PDE10A: variants seen among roughly 807,000 people sequenced by gnomAD.
PDE10A encodes the protein phosphodiesterase 10A.
In PDE10A, 39 loss-of-function variants were observed where a neutral mutation model predicts 97.7. That is an observed-to-expected ratio of 0.40 (90% confidence interval 0.31 to 0.52). PDE10A has a LOEUF of 0.52. Ranked by LOEUF, PDE10A falls within the 20% of genes least tolerant of loss-of-function variation. The pLI is 0.56. For synonymous variants in PDE10A, 371 were observed against 376.8 expected, an observed-to-expected ratio of 0.98 and a Z score of 0.18; for missense variants, 731 against 1,047.8, an observed-to-expected ratio of 0.70 and a Z score of 4.17.
At chr6:165,397,457 C>A (rs139313673) in intron 13 of PDE10A, among the ~76,000 whole-genome samples, 45 of 152,188 alleles carry the variant, frequency 3.0e-4, no homozygotes, top group African/African-American at 9.6e-4. Context: ...CCCTTGTAAT[C>A]CCAGCACTTT....
chr6:165,771,537 A>G (rs1472267), intron 1 of PDE10A, among the ~76,000 whole-genome samples: 71,587 of 151,704 alleles, frequency 0.47, 18,322 homozygotes, highest in African/African-American at 0.68. Flanking sequence ...CTTTCCTCAA[A>G]GCGCACATTC....
intron 1 of PDE10A, among the ~76,000 whole-genome samples, chr6:165,613,103 T>C (rs1019072748): frequency 6.6e-6 from 1 of 152,240 alleles, no homozygotes; most frequent in African/African-American, 2.4e-5. Context: ...TACTTTAAAC[T>C]AGAAAACAAA....
intron 13 of PDE10A, among the ~76,000 whole-genome samples, chr6:165,406,228 A>ATATGTGTGTGTGTGTG (rs140845501): frequency 3.7e-4 from 52 of 140,512 alleles, no homozygotes; most frequent in African/African-American, 1.3e-3. Context: ...AGGGAAAAGG[A>ATATGTGTGTGTGTGTG]TGTGTGTGTG....
intron 1 of PDE10A, among the ~76,000 whole-genome samples, chr6:165,828,330 A>G (rs1197740344): frequency 6.6e-6 from 1 of 152,258 alleles, no homozygotes; most frequent in African/African-American, 2.4e-5. Flanking sequence ...AGTCCAGAGG[A>G]TGAAAAGTAT....
chr6:165,822,967 G>C (rs1779616288), intron 1 of PDE10A, among the ~76,000 whole-genome samples: 2 of 151,982 alleles, frequency 1.3e-5, no homozygotes, highest in South Asian at 4.2e-4. Context: ...CTGAGTAGCT[G>C]AGACAACAGG....
intron 18 of PDE10A, among the ~76,000 whole-genome samples, chr6:165,369,194 A>G (rs1050771587): frequency 9.2e-5 from 14 of 152,202 alleles, no homozygotes; most frequent in Non-Finnish European, 1.9e-4. Flanking sequence ...AAAGGAACAC[A>G]GTTCCTCACC....
chr6:165,882,013 T>A (rs1318731147), intron 1 of PDE10A, among the ~76,000 whole-genome samples: 1 of 152,140 alleles, frequency 6.6e-6, no homozygotes, highest in Non-Finnish European at 1.5e-5. Context: ...CTGCCAGACA[T>A]CAGCACCTCC....
chr6:165,709,803 C>T (rs1185697784), intron 1 of PDE10A, among the ~76,000 whole-genome samples: 2 of 149,074 alleles, frequency 1.3e-5, no homozygotes, highest in South Asian at 2.2e-4. Flanking sequence ...CTTCCAGCCT[C>T]GCTGTCCTGC....
intron 1 of PDE10A, among the ~76,000 whole-genome samples, chr6:165,791,325 C>T (rs920559989): frequency 6.6e-6 from 1 of 152,164 alleles, no homozygotes; most frequent in South Asian, 2.1e-4. Context: ...TCTGTGTCCT[C>T]CAGGTTCACC....
intron 1 of PDE10A, among the ~76,000 whole-genome samples, chr6:165,809,810 G>A (rs201505097): frequency 3.9e-5 from 6 of 152,302 alleles, no homozygotes; most frequent in East Asian, 1.9e-4. Flanking sequence ...GCCCTGGAAC[G>A]GGCGGCATCA....
chr6:165,452,974 T>C (rs955134304), intron 3 of PDE10A, among the ~76,000 whole-genome samples: 1 of 151,740 alleles, frequency 6.6e-6, no homozygotes, highest in African/African-American at 2.4e-5. Context: ...ATCAGAATAC[T>C]GATAGAAACA....
In PDE10A at chr6:165,396,453, G is replaced by C. The variant is rs918052996; in HGVS notation, c.2083C>G (p.His695Asp). The C allele has an allele frequency of 6.2e-6, 10 of 1,607,670 alleles. No individual in the cohort carries two copies. Among genetic ancestry groups the C allele is most frequent in the Non-Finnish European group, 8.5e-6 (10 of 1,176,748 alleles). ...ALALHCANMY[H>D]RIRHSECIYR... ...ATGCACTCTGAGTGGCGAATTCTAT[G>C]ATACATCTAGAAGGCAAATCCAAAA... is the stretch of plus-strand genomic sequence containing the variant. The change falls in exon 14 of 22, where the codon CAT becomes GAT. Residue 695 changes from histidine (H) to aspartate (D), a missense_variant. His to Asp is a moderately conservative substitution (Grantham distance 81). Transcript: ENST00000539869.
chr6:165,492,293 T>A (rs755588049), intron 2 of PDE10A, among the ~76,000 whole-genome samples: 5 of 152,194 alleles, frequency 3.3e-5, no homozygotes, highest in Non-Finnish European at 5.9e-5. Context: ...GAAGAATTGG[T>A]ACCAATCCTG....
chr6:165,963,467 G>A (rs938251235), intron 1 of PDE10A, among the ~76,000 whole-genome samples: 3 of 152,172 alleles, frequency 2.0e-5, no homozygotes, highest in Non-Finnish European at 2.9e-5. Context: ...CCTGCTGTGC[G>A]ACCTTCTAGC....
At chr6:165,645,561 G>C (rs1046229166) in intron 1 of PDE10A, among the ~76,000 whole-genome samples, 3 of 152,020 alleles carry the variant, frequency 2.0e-5, no homozygotes, top group Admixed American at 2.0e-4. Context: ...CTCCTGAAAA[G>C]TTTACTTCCT....
At chr6:165,425,578 A>C (rs1179894488) in intron 10 of PDE10A, among the ~76,000 whole-genome samples, 3 of 152,296 alleles carry the variant, frequency 2.0e-5, no homozygotes, top group Admixed American at 6.5e-5. Context: ...CAAAAAAATC[A>C]TATTTAACGG....
At chr6:165,483,726 C>T (rs910956008) in intron 2 of PDE10A, among the ~76,000 whole-genome samples, 3 of 152,152 alleles carry the variant, frequency 2.0e-5, no homozygotes, top group African/African-American at 4.8e-5. Context: ...AATATCAAGA[C>T]CGCATAGAGT....
chr6:165,631,715 A>AAGGG (rs1454149743), intron 1 of PDE10A, among the ~76,000 whole-genome samples: 2 of 152,234 alleles, frequency 1.3e-5, no homozygotes, highest in African/African-American at 4.8e-5. Context: ...ACCAAGAGTA[A>AAGGG]AGGGTAGAGA....
chr6:165,893,488 G>A (rs1427856773), intron 1 of PDE10A, among the ~76,000 whole-genome samples: 1 of 152,202 alleles, frequency 6.6e-6, no homozygotes, highest in Non-Finnish European at 1.5e-5. Flanking sequence ...TAGCTATAAT[G>A]GCTAGAATGA....
Sources: gnomAD v4.1 joint callset for allele counts (sites outside exome capture counted in the v4.1 genomes callset) on GRCh38, gnomAD v4.1.1 for gene constraint, MANE v1.5 for transcripts, NCBI Gene and HGNC (gene_info 2026-07-23, HGNC 2026-07-21) for gene names.